YTHDC1: variants seen among roughly 807,000 people sequenced by gnomAD.
The protein encoded by YTHDC1 is YTH domain-containing protein 1.
YTHDC1 carries 12 observed loss-of-function variants against 107.0 expected under a neutral mutation model. That is an observed-to-expected ratio of 0.11 (90% CI 0.07 to 0.18). The LOEUF is 0.18. Ranked by LOEUF, YTHDC1 falls within the 10% of genes least tolerant of loss-of-function variation. The probability of loss-of-function intolerance (pLI) is 1.00; values close to 1 mark genes in which losing one functional copy is unlikely to be tolerated. For missense variants in YTHDC1, 635 were observed against 898.8 expected, an observed-to-expected ratio of 0.71 and a Z score of 3.75; for synonymous variants, 280 against 289.5, an observed-to-expected ratio of 0.97 and a Z score of 0.33.
intron 16 of YTHDC1, among the ~76,000 whole-genome samples, chr4:68,315,670 C>T (rs1300024311): frequency 6.6e-6 from 1 of 152,016 alleles, no homozygotes; most frequent in Non-Finnish European, 1.5e-5. Flanking sequence ...AGTTAAAAAC[C>T]CAGAAAACTC....
Position 68,337,819 on chromosome 4 carries a change from G to A in YTHDC1, c.212C>T (p.Ser71Phe). 1 of 1,613,906 alleles carries A rather than the reference G, an allele frequency of 6.2e-7. No homozygotes were observed. Among genetic ancestry groups the A allele is most frequent in the South Asian group, 1.1e-5 (1 of 91,082 alleles). ...KPSVHSRQLV[S>F]KPLSSSVSNN... The stretch of plus-strand genomic sequence containing the variant: ...GCTAACAGATGAGCTCAGTGGCTTA[G>A]AAACCAGTTGTCTAGAATGGACAGA... Residue 71 changes from serine (S) to phenylalanine (F), a missense_variant, in exon 3 of 17, where the codon TCT becomes TTT. Ser to Phe is a radical substitution (Grantham distance 155). Coordinates refer to ENST00000344157, the MANE Select transcript of YTHDC1 (RefSeq NM_001031732.4).
At chr4:68,324,349 A>G in intron 9 of YTHDC1, 126 bp from the exon 10 acceptor site, 1 of 743,012 alleles carries the variant, frequency 1.3e-6, no homozygotes, top group Non-Finnish European at 2.1e-6. Flanking sequence ...AACCACTTAC[A>G]GTGGTTAATT....
At chr4:68,342,941 T>C (rs547421545) in intron 1 of YTHDC1, among the ~76,000 whole-genome samples, 7 of 152,290 alleles carry the variant, frequency 4.6e-5, no homozygotes, top group African/African-American at 1.7e-4. Flanking sequence ...ATTTCCTTTG[T>C]CCTGAAATTT....
intron 9 of YTHDC1, 63 bp downstream of exon 9, chr4:68,329,939 C>T (rs1723396399): frequency 4.8e-6 from 6 of 1,237,532 alleles, no homozygotes; most frequent in Non-Finnish European, 7.1e-6. Flanking sequence ...CACTTTAACA[C>T]ATTATTCTAA....
chr4:68,320,878 A>G (rs543747662), intron 11 of YTHDC1, among the ~76,000 whole-genome samples: 1 of 152,158 alleles, frequency 6.6e-6, no homozygotes, highest in East Asian at 1.9e-4. Flanking sequence ...GAATTAAGGG[A>G]ATTTTTTTTT....
intron 6 of YTHDC1, 123 bp from the exon 7 acceptor site, chr4:68,332,320 C>T (rs1177975773): frequency 1.9e-6 from 1 of 532,390 alleles, no homozygotes. Context: ...CAACAATCAC[C>T]CATTCAACCT....
rs569581412 is a variant in YTHDC1, at chr4:68,332,878, T to C, written c.974-31A>G. The C allele has an allele frequency of 2.4e-5, 39 of 1,597,542 alleles. No homozygotes were observed. In the South Asian group the frequency reaches 2.8e-4, roughly 11 times the overall value. On this transcript the variant is annotated intron_variant, in intron 5 of 16. Coordinates refer to ENST00000344157, the MANE Select transcript of YTHDC1 (RefSeq NM_001031732.4). ...TTTAGCCAAAGTACATTTGTTCAGA[T>C]TGAGCTTTAATAGAGATAAGACAAA...
intron 1 of YTHDC1, among the ~76,000 whole-genome samples, chr4:68,348,247 T>A (rs1320564168): frequency 1.3e-5 from 2 of 152,198 alleles, no homozygotes. Context: ...AACGAATTCT[T>A]GAGAAGTACT....
intron 9 of YTHDC1, 41 bp from the exon 10 acceptor site, chr4:68,324,264 C>T: frequency 6.6e-7 from 1 of 1,524,454 alleles, no homozygotes. Flanking sequence ...TCTGCAGAAT[C>T]CTTTAAGGAC....
At position 68,329,338 on chromosome 4, in the gene YTHDC1, G is replaced by A. The variant is rs114649194; in HGVS notation, c.1349+664C>T. On this transcript the variant is annotated intron_variant, in intron 9 of 16. Coordinates refer to ENST00000344157, the MANE Select transcript of YTHDC1 (RefSeq NM_001031732.4). ...ATAGCATTTTTCTTCTTTTTCATCC[G>A]ACCCCTTCAGGCTCATCAAGATCTA... 3.2e-3 allele frequency among the ~76,000 whole-genome samples: 480 copies of A among 151,930 alleles called. 2 individuals carry two copies. The highest frequency in any genetic ancestry group is 0.011 in the African/African-American group (449 of 41,418).
rs768105554 is a variant in YTHDC1, at chr4:68,318,590, A to G, written c.1762-9T>C. 5 of 1,610,770 alleles carry G rather than the reference A, an allele frequency of 3.1e-6. No homozygotes were observed. Among genetic ancestry groups the G allele is most frequent in the Non-Finnish European group, 4.2e-6 (5 of 1,178,414 alleles). On this transcript the variant is annotated splice_polypyrimidine_tract_variant and intron_variant, in intron 14 of 16. Coordinates refer to ENST00000344157, the MANE Select transcript of YTHDC1 (RefSeq NM_001031732.4). ...ACATAATCATTGTAGGACTAAAATA[A>G]AAGATGATAATGTCAATATAATTAA...
At chr4:68,333,032 A>T (rs1272575167) in intron 5 of YTHDC1, among the ~76,000 whole-genome samples, 185 bp from the exon 6 acceptor site, 2 of 152,126 alleles carry the variant, frequency 1.3e-5, no homozygotes, top group East Asian at 1.9e-4. Context: ...GGATTTTTTT[A>T]AAAGTATGTA....
chr4:68,322,671 A>G lies in YTHDC1; in HGVS notation c.1601+78T>C. ...TCTCTTTCTTCTTTACCGCAGGACA[A>G]ACTTTTGACGAATCATATTCCTCCA... On this transcript the variant is annotated intron_variant, in intron 11 of 16. Transcript: ENST00000344157. The surrounding 1 kb of genome is among the most constrained non-coding windows in gnomAD (Gnocchi z 4.8). The G allele has an allele frequency of 6.7e-7, 1 of 1,495,768 alleles. No individual in the cohort carries two copies. Among genetic ancestry groups the G allele is most frequent in the Non-Finnish European group, 9.0e-7 (1 of 1,108,094 alleles). 92.7% of individuals were successfully genotyped at this position (1,495,768 alleles called of 1,614,324 possible). A position where few individuals can be genotyped will look rare whatever the true frequency, so the allele number is the denominator to read the frequency against.
Position 68,314,006 on chromosome 4 carries a change from C to T in YTHDC1, c.*93G>A. The T allele has an allele frequency of 7.9e-7, 1 of 1,269,790 alleles. No homozygotes were observed. Among genetic ancestry groups the T allele is most frequent in the Non-Finnish European group, 1.1e-6 (1 of 897,286 alleles). The allele number at this position is 1,269,790 out of a possible 1,614,324, so 78.7% of individuals were successfully genotyped here. A position where few individuals can be genotyped will look rare whatever the true frequency, so the allele number is the denominator to read the frequency against. On this transcript the variant is annotated 3_prime_UTR_variant, in exon 17 of 17. Transcript: ENST00000344157. ...CTACACAATGAACTTCATAGGCAGA[C>T]AGCTGAAAATAAATTTACTACTTGT... is the stretch of plus-strand genomic sequence containing the variant.
chr4:68,334,490 A>C lies in YTHDC1; in HGVS notation c.884-1093T>G, dbSNP rs534657704. ...TTCCTGGATGGCAGAACCTAGACTC[A>C]AGGGCAGGTCCTCTGGCTTGAGCAA... is the stretch of plus-strand genomic sequence containing the variant. On this transcript the variant is annotated intron_variant, in intron 4 of 16. Transcript: ENST00000344157. Among the ~76,000 whole-genome samples the C allele has an allele frequency of 8.5e-5, 13 of 152,286 alleles. No homozygotes were observed. In the South Asian group the frequency reaches 2.7e-3, roughly 32 times the overall value.
chr4:68,346,099 A>G (rs186944097), intron 1 of YTHDC1, among the ~76,000 whole-genome samples: 28 of 141,472 alleles, frequency 2.0e-4, no homozygotes, highest in African/African-American at 4.1e-4. Flanking sequence ...ATATATATAT[A>G]TACACACACA....
chr4:68,318,260 A>T (rs1722078095), intron 15 of YTHDC1, among the ~76,000 whole-genome samples: 1 of 152,046 alleles, frequency 6.6e-6, no homozygotes, highest in Non-Finnish European at 1.5e-5. Context: ...CACCACACCC[A>T]GCTAATGTTT....
chr4:68,324,470 TGC>T (rs917628361), intron 9 of YTHDC1, among the ~76,000 whole-genome samples: 11 of 152,228 alleles, frequency 7.2e-5, no homozygotes, highest in African/African-American at 2.2e-4. Context: ...AACCCCAGCC[TGC>T]TCTCTTCTCT....
intron 4 of YTHDC1, among the ~76,000 whole-genome samples, chr4:68,334,803 C>T (rs1723975106): frequency 6.6e-6 from 1 of 152,094 alleles, no homozygotes; most frequent in Non-Finnish European, 1.5e-5. Flanking sequence ...GCAGGCGGAT[C>T]ACTTGACCTC....
Sources: gnomAD v4.1 joint callset for allele counts (sites outside exome capture counted in the v4.1 genomes callset) on GRCh38, gnomAD v4.1.1 for gene constraint, Gnocchi (gnomAD v3.1) non-coding constraint, MANE v1.5 for transcripts, NCBI Gene and HGNC (gene_info 2026-07-23, HGNC 2026-07-21) for gene names.